Variants in HK2 observed in about 807,000 individuals in gnomAD.
HK2 encodes the protein hexokinase-2.
HK2 carries 42 observed loss-of-function variants against 92.9 expected under a neutral mutation model. The ratio of observed to expected loss-of-function variants is 0.45; its 90% CI spans 0.35 to 0.58. The LOEUF is 0.58. Among genes scored for constraint, HK2 ranks in the 20% least tolerant of loss-of-function variants. HK2 has a pLI of 0.00. For missense variants in HK2, 978 were observed against 1,245.1 expected (o/e 0.79, Z 3.23); for synonymous variants, 422 against 468.0 (o/e 0.90, Z 1.27).
At chr2:74,844,950 T>A (rs1186155654) in intron 1 of HK2, among the ~76,000 whole-genome samples, 1 of 152,206 alleles carries the variant, frequency 6.6e-6, no homozygotes, top group Non-Finnish European at 1.5e-5. Flanking sequence ...GCACCTATTA[T>A]ATCCTAGTAT....
chr2:74,858,415 G>A (rs1004612253), intron 2 of HK2, among the ~76,000 whole-genome samples: 1 of 152,148 alleles, frequency 6.6e-6, no homozygotes, highest in African/African-American at 2.4e-5. Flanking sequence ...TTGAATTCAA[G>A]CTGTGTGCTT....
chr2:74,849,809 A>G (rs966349792), intron 1 of HK2, among the ~76,000 whole-genome samples: 2 of 152,168 alleles, frequency 1.3e-5, no homozygotes, highest in African/African-American at 2.4e-5. Flanking sequence ...TGGGGTTCAG[A>G]TGAAGAGTCC....
At chr2:74,872,502 T>G in intron 4 of HK2, 83 bp downstream of exon 4, 1 of 1,478,776 alleles carries the variant, frequency 6.8e-7, no homozygotes, top group Non-Finnish European at 9.3e-7. Context: ...CCTGCTGTGG[T>G]GGTGGTGGTA....
rs543210991 is a variant in HK2 at position 74,889,251 on chromosome 2, C to T, written c.2382C>T (p.Cys794=). 6.2e-7 allele frequency: 1 copy of T among 1,613,566 alleles called. No individual in the cohort carries two copies. Among genetic ancestry groups the T allele is most frequent in the Non-Finnish European group, 8.5e-7 (1 of 1,179,704 alleles). ...TGTCTCCCTCCCACCCCAGTGACTG[C>T]CTGGCCCTGCTGCAAGTCCGAGCCA... ...TKFLSQIESD[C]LALLQVRAIL... The change falls in exon 17 of 18, where the codon TGC becomes TGT. Residue 794 remains cysteine, a synonymous_variant. Transcript: ENST00000290573.
At chr2:74,862,179 G>A (rs777809565) in intron 2 of HK2, among the ~76,000 whole-genome samples, 1 of 152,208 alleles carries the variant, frequency 6.6e-6, no homozygotes, top group Non-Finnish European at 1.5e-5. Context: ...ACAGAAAAAG[G>A]CAATAGATTT....
intron 1 of HK2, among the ~76,000 whole-genome samples, chr2:74,840,502 G>A (rs184590402): frequency 3.9e-5 from 6 of 152,026 alleles, no homozygotes; most frequent in Non-Finnish European, 7.4e-5. Flanking sequence ...CATTATCATC[G>A]TTGAGCTTTG....
chr2:74,854,486 T>C (rs780811091), intron 2 of HK2, 31 bp downstream of exon 2: 1 of 1,613,092 alleles, frequency 6.2e-7, no homozygotes, highest in South Asian at 1.1e-5. Flanking sequence ...CTCTAGCTGC[T>C]GCGTTACTCA....
chr2:74,839,918 C>T (rs1451715648), intron 1 of HK2, among the ~76,000 whole-genome samples: 8 of 146,346 alleles, frequency 5.5e-5, no homozygotes, highest in Non-Finnish European at 1.0e-4. Context: ...TCCCAAAGTG[C>T]TGGGATTACA....
intron 11 of HK2, 49 bp from the exon 12 acceptor site, chr2:74,882,071 C>A: frequency 6.4e-7 from 1 of 1,573,412 alleles, no homozygotes; most frequent in South Asian, 1.1e-5. Flanking sequence ...CTGGGGGCAG[C>A]CTGCCCTGCC....
At chr2:74,846,886 G>T (rs1251280105) in intron 1 of HK2, among the ~76,000 whole-genome samples, 5 of 152,200 alleles carry the variant, frequency 3.3e-5, no homozygotes, top group Non-Finnish European at 7.3e-5. Context: ...CTTCCAGAAG[G>T]TATGGTCCTT....
intron 2 of HK2, among the ~76,000 whole-genome samples, chr2:74,865,317 C>A (rs1377611089): frequency 6.6e-6 from 1 of 151,920 alleles, no homozygotes; most frequent in African/African-American, 2.4e-5. Context: ...TCAGAAAATC[C>A]TGCACACCAC....
chr2:74,842,836 T>C (rs1688348665), intron 1 of HK2, among the ~76,000 whole-genome samples: 1 of 152,254 alleles, frequency 6.6e-6, no homozygotes, highest in Admixed American at 6.5e-5. Context: ...GCACTTCAGG[T>C]TGAAGCATCC....
At chr2:74,836,807 G>C (rs1688177755) in intron 1 of HK2, among the ~76,000 whole-genome samples, 1 of 152,214 alleles carries the variant, frequency 6.6e-6, no homozygotes, top group South Asian at 2.1e-4. Context: ...GAAGAATTAA[G>C]AGAGAAGAAT....
rs575135251 is a variant in HK2 at position 74,878,843 on chromosome 2, G to A, written c.1187G>A (p.Arg396His). 7.7e-6 allele frequency: 12 copies of A among 1,555,184 alleles called. No individual in the cohort carries two copies. The highest frequency in any genetic ancestry group is 4.7e-5 in the South Asian group (4 of 84,446). ...GCCACCCTGGCCGCCGTGCTGCAGC[G>A]CATCAAGGAGAACAAAGGCGAGGAG... ...CAATLAAVLQ[R>H]IKENKGEERL... is the part of the protein sequence containing the mutation. The change falls in exon 9 of 18, where the codon CGC becomes CAC. Residue 396 changes from arginine to histidine, a missense_variant. Arg to His is a conservative substitution (Grantham distance 29). This residue lies in a region of HK2 where 742 missense variants were observed against 922.5 expected (regional missense o/e 0.80). Coordinates refer to ENST00000290573, the MANE Select transcript of HK2 (RefSeq NM_000189.5).
rs1688986220 is a variant in HK2, at chr2:74,867,670, G to T, written c.261G>T (p.Gly87=). ...HGEFLALDLG[G]TNFRVLWVKV... ...AGTTCCTGGCTCTGGATCTTGGAGG[G>T]ACCAACTTCCGTGTGCTTTGGGTGA... The change falls in exon 3 of 18, where the codon GGG becomes GGT. Residue 87 remains glycine (G), a synonymous_variant. Transcript: ENST00000290573. 1 of 1,613,848 alleles carries T rather than the reference G, an allele frequency of 6.2e-7. No individual in the cohort carries two copies. Among genetic ancestry groups the T allele is most frequent in the South Asian group, 1.1e-5 (1 of 91,048 alleles).
rs766224616 is a variant in HK2 at position 74,877,188 on chromosome 2, A to T, written c.898A>T (p.Met300Leu). The change falls in exon 8 of 18, where the codon ATG becomes TTG. Residue 300 changes from methionine to leucine, a missense_variant. Physicochemically the swap from Met to Leu is conservative, Grantham distance 15. Transcript: ENST00000290573. ...CAGGTTTGAGAAGATGATCAGTGGG[A>T]TGTACATGGGGGAGCTGGTGAGGCT... ...KQLFEKMISG[M>L]YMGELVRLIL... is the part of the protein sequence containing the mutation. 1.2e-6 allele frequency: 2 copies of T among 1,614,062 alleles called. No individual in the cohort carries two copies. Among genetic ancestry groups the T allele is most frequent in the Non-Finnish European group, 1.7e-6 (2 of 1,180,020 alleles).
chr2:74,888,086 G>A (rs769836837), intron 16 of HK2, 28 bp downstream of exon 16: 5 of 1,612,764 alleles, frequency 3.1e-6, no homozygotes, highest in Admixed American at 1.7e-5. Flanking sequence ...AGGGTAGCAG[G>A]GGGGCCATGT....
chr2:74,889,359 A>C lies in HK2; in HGVS notation c.2490A>C (p.Ala830=). Residue 830 remains alanine, a synonymous_variant, in exon 17 of 18, where the codon GCA becomes GCC. Transcript: ENST00000290573. ...KEVCTVVARR[A]AQLCGAGMAA... is the part of the protein sequence containing the mutation. Reference sequence around the variant, plus strand: ...TGTGCACTGTGGTGGCCCGGCGGGCAGCCCAGCTCTGTGGCGCAGGCATGG... The same window carrying C: ...TGTGCACTGTGGTGGCCCGGCGGGCCGCCCAGCTCTGTGGCGCAGGCATGG... 1 of 1,614,230 alleles carries C rather than the reference A, an allele frequency of 6.2e-7. No individual in the cohort carries two copies. Among genetic ancestry groups the C allele is most frequent in the Non-Finnish European group, 8.5e-7 (1 of 1,180,038 alleles).
Position 74,878,936 on chromosome 2 carries a change from A to G in HK2, c.1265+15A>G. 6.5e-7 allele frequency: 1 copy of G among 1,543,810 alleles called. No homozygotes were observed. Among genetic ancestry groups the G allele is most frequent in the African/African-American group, 1.4e-5 (1 of 73,004 alleles). ...AAACACCCCCAGTGAGTCAGTGTGC[A>G]GGGCCTGGAGATGCGGAGTTCCTGG... On this transcript the variant is annotated intron_variant, in intron 9 of 17. Coordinates refer to ENST00000290573, the MANE Select transcript of HK2 (RefSeq NM_000189.5).
Sources: allele counts gnomAD v4.1 joint callset (sites outside exome capture counted in the v4.1 genomes callset), GRCh38; gene constraint gnomAD v4.1.1; regional missense constraint gnomAD v4.1.1; transcripts MANE v1.5; gene names NCBI Gene and HGNC (gene_info 2026-07-23, HGNC 2026-07-21).